Variants in DPT observed in about 807,000 individuals in gnomAD.
The protein encoded by DPT is tyrosine-rich acidic matrix protein.
A neutral mutation model predicts 31.2 loss-of-function variants in DPT; 21 were observed. The observed-to-expected ratio is 0.67, with a 90% CI of 0.48 to 0.97. The LOEUF (loss-of-function observed/expected upper bound fraction) is 0.97. DPT is among the 50% of genes least tolerant of loss of function. The pLI, the probability that DPT is intolerant of heterozygous loss-of-function variation, is 0.00. For synonymous variants in DPT, 91 were observed against 86.9 expected (o/e 1.05, Z -0.26); for missense variants, 262 against 258.8 (o/e 1.01, Z -0.08).
chr1:168,728,622 G>A (rs1650302991), intron 1 of DPT, among the ~76,000 whole-genome samples: 1 of 152,150 alleles, frequency 6.6e-6, no homozygotes, highest in Non-Finnish European at 1.5e-5. Flanking sequence ...AGGTAGAACA[G>A]CTTCTGGAAG....
chr1:168,705,235 A>G (rs988955145), intron 2 of DPT, among the ~76,000 whole-genome samples: 3 of 152,230 alleles, frequency 2.0e-5, no homozygotes, highest in African/African-American at 7.2e-5. Context: ...CTTTTCTTCT[A>G]TGAAAGTCAA....
intron 1 of DPT, among the ~76,000 whole-genome samples, chr1:168,723,378 T>G (rs1444089882): frequency 1.3e-5 from 2 of 152,338 alleles, no homozygotes; most frequent in Admixed American, 6.5e-5. Flanking sequence ...TTTGAATAAC[T>G]CATGGGCATA....
chr1:168,720,501 T>TCA (rs1650077018), intron 1 of DPT, among the ~76,000 whole-genome samples: 3 of 152,158 alleles, frequency 2.0e-5, no homozygotes. Context: ...GGTGTGGGGT[T>TCA]GAGTCAAGTG....
chr1:168,714,159 C>G, intron 2 of DPT, 62 bp downstream of exon 2: 1 of 1,608,628 alleles, frequency 6.2e-7, no homozygotes, highest in Non-Finnish European at 8.5e-7. Context: ...GAAGCTAGAG[C>G]ACTTCCTAGG....
intron 1 of DPT, among the ~76,000 whole-genome samples, chr1:168,717,460 T>C (rs1346280555): frequency 6.6e-6 from 1 of 152,224 alleles, no homozygotes; most frequent in Non-Finnish European, 1.5e-5. Context: ...TGTTAGACCT[T>C]TGTCAGATGG....
chr1:168,696,123 A>G lies in DPT; in HGVS notation c.*426T>C, dbSNP rs147103276. 1,531 of 404,572 alleles carry G rather than the reference A, an allele frequency of 3.8e-3. 19 individuals carry two copies. Among genetic ancestry groups the G allele is most frequent in the African/African-American group, 0.029 (1,417 of 48,806 alleles). 25.1% of individuals were successfully genotyped at this position (404,572 alleles called of 1,614,324 possible). ...TTGGTGGGGAACCTACGTATCATTC[A>G]AACAGGCTTAGCTGTAGAGAACCTT... On this transcript the variant is annotated 3_prime_UTR_variant, in exon 4 of 4. Transcript: ENST00000367817.
chr1:168,707,704 C>T (rs189164968), intron 2 of DPT, among the ~76,000 whole-genome samples: 14 of 152,272 alleles, frequency 9.2e-5, no homozygotes, highest in Non-Finnish European at 1.9e-4. Context: ...TCATGCTGTT[C>T]TCATGATCGT....
intron 2 of DPT, among the ~76,000 whole-genome samples, chr1:168,707,743 T>C (rs1446306068): frequency 6.6e-6 from 1 of 152,188 alleles, no homozygotes; most frequent in Non-Finnish European, 1.5e-5. Context: ...TCTGATGGTT[T>C]TATAAGGGGC....
chr1:168,710,361 G>A (rs1408264458), intron 2 of DPT, among the ~76,000 whole-genome samples: 3 of 152,204 alleles, frequency 2.0e-5, no homozygotes, highest in African/African-American at 7.2e-5. Flanking sequence ...GACTTGTCAT[G>A]CCTTTTGGAT....
At chr1:168,706,039 T>G (rs891179839) in intron 2 of DPT, among the ~76,000 whole-genome samples, 1 of 152,226 alleles carries the variant, frequency 6.6e-6, no homozygotes, top group South Asian at 2.1e-4. Context: ...CTTTTGTAAA[T>G]TGCCCAGTCT....
Position 168,714,203 on chromosome 1 carries a change from G to A in DPT, c.431+18C>T, listed in dbSNP as rs367793828. The A allele has an allele frequency of 1.1e-5, 17 of 1,613,876 alleles. No individual in the cohort carries two copies. Among genetic ancestry groups the A allele is most frequent in the South Asian group, 8.8e-5 (8 of 91,066 alleles). ...CCACCCCAGGAGTCATGAGGGTTTGGTCGGCTGCCAGACTCACCAGCAGGA... is the reference window on the plus strand; with the variant it reads ...CCACCCCAGGAGTCATGAGGGTTTGATCGGCTGCCAGACTCACCAGCAGGA... On this transcript the variant is annotated intron_variant, in intron 2 of 3. Transcript: ENST00000367817.
rs118001573 is a variant in DPT at position 168,704,843 on chromosome 1, A to T, written c.432-3719T>A. ...CGAACTGAAGACAATTTTAAGATTG[A>T]TATAGGATTTTTCTCATCTAAGATT... On this transcript the variant is annotated intron_variant, in intron 2 of 3. Transcript: ENST00000367817. Among the ~76,000 whole-genome samples, 10 of 152,334 alleles carry T rather than the reference A, an allele frequency of 6.6e-5. 1 individual carries two copies. The East Asian group carries it at 1.5e-3, about 23-fold the overall frequency.
chr1:168,729,046 C>T lies in DPT; in HGVS notation c.129G>A (p.Arg43=). Residue 43 remains arginine, a synonymous_variant, in exon 1 of 4, where the codon CGG becomes CGA. Coordinates refer to ENST00000367817, the MANE Select transcript of DPT (RefSeq NM_001937.5). The part of the protein sequence containing the change: ...YSDDGWVNLN[R]QGFSYQCPQG... The stretch of plus-strand genomic sequence containing the variant: ...GGGGACACTGGTAGCTGAAGCCTTG[C>T]CGGTTCAAATTCACCCACCCATCAT... The T allele has an allele frequency of 2.5e-5, 41 of 1,614,208 alleles. No individual in the cohort carries two copies. The highest frequency in any genetic ancestry group is 3.3e-5 in the Non-Finnish European group (39 of 1,180,044).
At chr1:168,713,448 C>A (rs2101906300) in intron 2 of DPT, among the ~76,000 whole-genome samples, 1 of 152,304 alleles carries the variant, frequency 6.6e-6, no homozygotes, top group East Asian at 1.9e-4. Flanking sequence ...GTAGAGAGAT[C>A]AATCACTTGA....
chr1:168,700,306 C>A (rs1295442958), intron 3 of DPT, among the ~76,000 whole-genome samples: 2 of 152,116 alleles, frequency 1.3e-5, no homozygotes, highest in Non-Finnish European at 2.9e-5. Flanking sequence ...CAGCGAGCAA[C>A]CCCTCACCAG....
At chr1:168,701,715 C>T (rs1649600960) in intron 2 of DPT, among the ~76,000 whole-genome samples, 1 of 152,084 alleles carries the variant, frequency 6.6e-6, no homozygotes, top group Admixed American at 6.5e-5. Context: ...TGTAAGCTCC[C>T]CAAAGGTAGA....
chr1:168,703,107 A>T (rs1016828290), intron 2 of DPT, among the ~76,000 whole-genome samples: 6 of 152,182 alleles, frequency 3.9e-5, no homozygotes, highest in Non-Finnish European at 5.9e-5. Context: ...TACTTCAGGG[A>T]ACAAAAAATA....
chr1:168,716,890 A>G (rs1182060007), intron 1 of DPT, among the ~76,000 whole-genome samples: 1 of 152,076 alleles, frequency 6.6e-6, no homozygotes, highest in African/African-American at 2.4e-5. Context: ...GATCTCATTC[A>G]TTTTTATGGC....
Position 168,696,440 on chromosome 1 carries a change from A to C in DPT, c.*109T>G, listed in dbSNP as rs1649467237. 1 of 907,032 alleles carries C rather than the reference A, an allele frequency of 1.1e-6. No individual in the cohort carries two copies. Among genetic ancestry groups the C allele is most frequent in the Non-Finnish European group, 1.7e-6 (1 of 601,182 alleles). The allele number at this position is 907,032 out of a possible 1,614,324, so 56.2% of individuals were successfully genotyped here. On this transcript the variant is annotated 3_prime_UTR_variant, in exon 4 of 4. Transcript: ENST00000367817. The stretch of plus-strand genomic sequence containing the variant: ...TGCAGTTACCAGCTCAGGGAGAAGG[A>C]AAGAGAGCAGCAGAAACTTCTATAG...
Sources: gnomAD v4.1 joint callset for allele counts (sites outside exome capture counted in the v4.1 genomes callset) on GRCh38, gnomAD v4.1.1 for gene constraint, MANE v1.5 for transcripts, NCBI Gene and HGNC (gene_info 2026-07-23, HGNC 2026-07-21) for gene names.